The following CFAP45 variants were observed in gnomAD, a reference collection of about 807,000 sequenced individuals.
CFAP45 encodes the protein cilia- and flagella-associated protein 45.
Under a neutral mutation model 75.6 loss-of-function variants are expected in CFAP45, and 43 were observed. The ratio of observed to expected loss-of-function variants is 0.57; its 90% confidence interval spans 0.45 to 0.73. The LOEUF (loss-of-function observed/expected upper bound fraction) is 0.73. Ranked by LOEUF, CFAP45 falls within the 30% of genes least tolerant of loss-of-function variation. The pLI, the probability that CFAP45 is intolerant of heterozygous loss-of-function variation, is 0.00. For synonymous variants in CFAP45, 223 were observed against 244.6 expected, an observed-to-expected ratio of 0.91 and a Z score of 0.82; for missense variants, 689 against 701.5, an observed-to-expected ratio of 0.98 and a Z score of 0.20.
intron 6 of CFAP45, among the ~76,000 whole-genome samples, chr1:159,885,502 T>TAGGC (rs1649656172): frequency 6.6e-6 from 1 of 152,234 alleles, no homozygotes; most frequent in Non-Finnish European, 1.5e-5. Flanking sequence ...AGGTAATTCA[T>TAGGC]GTATTGTATG....
rs867243821 is a variant in CFAP45 at position 159,880,132 on chromosome 1, A to G, written c.1044+422T>C. On this transcript the variant is annotated intron_variant, in intron 8 of 11. Transcript: ENST00000368099. ...GGAGATGGGGGAAGACTATTTTCTG[A>G]GTCTAGCACCCAATACAGGATGTCC... 2.6e-5 allele frequency among the ~76,000 whole-genome samples: 4 copies of G among 152,148 alleles called. No homozygotes were observed. The South Asian group carries it at 8.3e-4, about 32-fold the overall frequency.
intron 8 of CFAP45, among the ~76,000 whole-genome samples, chr1:159,877,954 A>G (rs1480276405): frequency 6.6e-6 from 1 of 152,246 alleles, no homozygotes; most frequent in Non-Finnish European, 1.5e-5. Flanking sequence ...TAGCATTTAT[A>G]AAATGCTTTA....
rs1358342469 is a variant in CFAP45, at chr1:159,900,135, G to A, written c.-37C>T. 2 of 1,613,806 alleles carry A rather than the reference G, an allele frequency of 1.2e-6. No individual in the cohort carries two copies. The highest frequency in any genetic ancestry group is 3.3e-5 in the Admixed American group (2 of 60,000). On this transcript the variant is annotated 5_prime_UTR_variant, in exon 1 of 12. Coordinates refer to ENST00000368099, the MANE Select transcript of CFAP45 (RefSeq NM_012337.3). ...CACGCCCTGACTCCGGACTTCTGCT[G>A]CCGCCTCGGCGCCGCCAAGGCCCTA...
intron 1 of CFAP45, among the ~76,000 whole-genome samples, chr1:159,895,717 T>C (rs1203553845): frequency 6.6e-6 from 1 of 152,230 alleles, no homozygotes; most frequent in African/African-American, 2.4e-5. Flanking sequence ...GGTTATTATA[T>C]GGTAGGTGGT....
chr1:159,880,491 C>A, intron 8 of CFAP45, 63 bp downstream of exon 8: 2 of 1,478,326 alleles, frequency 1.4e-6, no homozygotes, highest in Non-Finnish European at 9.2e-7. Context: ...AGTTCTCAGG[C>A]CCTCCTCTCC....
intron 4 of CFAP45, 123 bp from the exon 5 acceptor site, chr1:159,888,134 A>G: frequency 8.4e-7 from 1 of 1,185,904 alleles, no homozygotes; most frequent in Non-Finnish European, 1.2e-6. Context: ...TGTCAGAGCC[A>G]AGAAGTTCCA....
At chr1:159,900,007 A>G (rs1237551241) in intron 1 of CFAP45, 89 bp downstream of exon 1, 3 of 1,504,296 alleles carry the variant, frequency 2.0e-6, no homozygotes, top group South Asian at 1.2e-5. Context: ...CCTAGACCCA[A>G]CTGTGACCTC....
At chr1:159,878,142 C>A (rs572038403) in intron 8 of CFAP45, among the ~76,000 whole-genome samples, 40 of 152,248 alleles carry the variant, frequency 2.6e-4, no homozygotes, top group Middle Eastern at 6.8e-3. Context: ...CTGGCTTTCA[C>A]ACTCCTTCCA....
At position 159,891,387 on chromosome 1, in the gene CFAP45, G is replaced by A. The variant is rs200630510; in HGVS notation, c.130-765C>T. On this transcript the variant is annotated intron_variant, in intron 2 of 11. Transcript: ENST00000368099. ...AACCCCCACAAAAAGCCATATTCAG[G>A]GAGTTAGAAATCGCTAAATGACCTG... Among the ~76,000 whole-genome samples the A allele has an allele frequency of 3.3e-5, 5 of 152,194 alleles. No homozygotes were observed. In the East Asian group the frequency reaches 9.6e-4, roughly 29 times the overall value.
chr1:159,889,119 C>A (rs1487803760), intron 3 of CFAP45, among the ~76,000 whole-genome samples: 1 of 152,180 alleles, frequency 6.6e-6, no homozygotes, highest in Non-Finnish European at 1.5e-5. Flanking sequence ...TAGAGAGAAG[C>A]TTTGAACTGT....
At chr1:159,893,033 C>T in intron 2 of CFAP45, 147 bp downstream of exon 2, 1 of 812,054 alleles carries the variant, frequency 1.2e-6, no homozygotes, top group South Asian at 1.7e-5. Context: ...CAAAGCTCTG[C>T]AGCTCAGGTC....
At chr1:159,899,850 C>A (rs909538292) in intron 1 of CFAP45, 2 of 485,426 alleles carry the variant, frequency 4.1e-6, no homozygotes, top group Non-Finnish European at 7.5e-6. Flanking sequence ...AGGGTTGGGG[C>A]ATCCCTTTCT....
At chr1:159,873,355 T>C in intron 10 of CFAP45, 187 bp from the exon 11 acceptor site, 1 of 602,090 alleles carries the variant, frequency 1.7e-6, no homozygotes, top group Non-Finnish European at 3.0e-6. Flanking sequence ...GCATGCCCCC[T>C]TCTCCTACCC....
Position 159,882,472 on chromosome 1 carries a change from TC to T in CFAP45, c.898-1773del, listed in dbSNP as rs1387950986. Among the ~76,000 whole-genome samples, 4 of 152,336 alleles carry T rather than the reference TC, an allele frequency of 2.6e-5. No homozygotes were observed. In the East Asian group the frequency reaches 7.7e-4, roughly 29 times the overall value. On this transcript the variant is annotated intron_variant, in intron 7 of 11. Transcript: ENST00000368099. ...TCAATTCCAAGACACCAAAGGACTT[TC>T]CCTGTTTCTTTTGAAGCCCTTCCAA... is the stretch of plus-strand genomic sequence containing the variant.
intron 1 of CFAP45, among the ~76,000 whole-genome samples, chr1:159,897,894 C>A (rs1007710009): frequency 5.9e-5 from 9 of 152,068 alleles, no homozygotes; most frequent in Non-Finnish European, 1.0e-4. Flanking sequence ...AACAAAAAAA[C>A]CATAGCATTA....
At chr1:159,892,595 C>T (rs1649855150) in intron 2 of CFAP45, among the ~76,000 whole-genome samples, 1 of 152,222 alleles carries the variant, frequency 6.6e-6, no homozygotes, top group Admixed American at 6.5e-5. Context: ...CCTTCCCTCT[C>T]TTCCTTCTTA....
chr1:159,881,877 T>C (rs935621487), intron 7 of CFAP45, among the ~76,000 whole-genome samples: 1 of 152,200 alleles, frequency 6.6e-6, no homozygotes, highest in African/African-American at 2.4e-5. Flanking sequence ...CTTAAGTTCT[T>C]CTATTGATTA....
At chr1:159,880,737 AG>A in intron 7 of CFAP45, 37 bp from the exon 8 acceptor site, 3 of 1,606,950 alleles carry the variant, frequency 1.9e-6, no homozygotes, top group Non-Finnish European at 2.6e-6. Context: ...GAGTACAAAG[AG>A]GTAAGACAAG....
intron 8 of CFAP45, among the ~76,000 whole-genome samples, chr1:159,879,343 G>A (rs952908564): frequency 1.3e-5 from 2 of 152,120 alleles, no homozygotes; most frequent in African/African-American, 4.8e-5. Context: ...TCATTCACTT[G>A]GGAAAATAGT....
Sources: gnomAD v4.1 joint callset for allele counts (sites outside exome capture counted in the v4.1 genomes callset) on GRCh38, gnomAD v4.1.1 for gene constraint, MANE v1.5 for transcripts, NCBI Gene and HGNC (gene_info 2026-07-23, HGNC 2026-07-21) for gene names.